Variants in PACS1 observed in about 807,000 individuals in gnomAD.
PACS1 encodes PACS-1.
Under a neutral mutation model 115.0 loss-of-function variants are expected in PACS1, and 24 were observed. The ratio of observed to expected loss-of-function variants is 0.21; its 90% CI spans 0.15 to 0.29. PACS1 has a LOEUF of 0.29. Ranked by LOEUF, PACS1 falls within the 10% of genes least tolerant of loss-of-function variation. PACS1 has a pLI of 1.00. For missense variants in PACS1, 838 were observed against 1,251.2 expected, an observed-to-expected ratio of 0.67 and a Z score of 4.98; for synonymous variants, 453 against 504.5, an observed-to-expected ratio of 0.90 and a Z score of 1.37.
At chr11:66,088,835 T>G (rs1295799443) in intron 1 of PACS1, among the ~76,000 whole-genome samples, 1 of 152,248 alleles carries the variant, frequency 6.6e-6, no homozygotes, top group East Asian at 1.9e-4. Flanking sequence ...TGGATTGATG[T>G]GCAGATAATT....
intron 1 of PACS1, among the ~76,000 whole-genome samples, chr11:66,075,783 G>A (rs1857384966): frequency 7.3e-6 from 1 of 136,980 alleles, no homozygotes; most frequent in South Asian, 2.3e-4. Context: ...TCTGTCCCCC[G>A]GCTGGAATGC....
chr11:66,136,798 G>A (rs1858855523), intron 1 of PACS1, among the ~76,000 whole-genome samples: 1 of 152,030 alleles, frequency 6.6e-6, no homozygotes, highest in Non-Finnish European at 1.5e-5. Context: ...TAACTCATGG[G>A]AATTTCCACC....
At chr11:66,118,151 A>G (rs977458439) in intron 1 of PACS1, among the ~76,000 whole-genome samples, 39 of 152,250 alleles carry the variant, frequency 2.6e-4, no homozygotes, top group African/African-American at 9.4e-4. Flanking sequence ...AGGTATAAGT[A>G]AAGAGAATAG....
At chr11:66,227,730 A>G (rs2134729783) in intron 11 of PACS1, 146 bp downstream of exon 11, 1 of 559,248 alleles carries the variant, frequency 1.8e-6, no homozygotes, top group African/African-American at 1.9e-5. Flanking sequence ...TTTCTCCTGA[A>G]ATCCTTACCC....
chr11:66,121,421 C>T (rs1209624391), intron 1 of PACS1, among the ~76,000 whole-genome samples: 6 of 152,118 alleles, frequency 3.9e-5, no homozygotes, highest in African/African-American at 9.7e-5. Flanking sequence ...GGAAGAGTTA[C>T]GTGTCTCTCA....
intron 1 of PACS1, among the ~76,000 whole-genome samples, chr11:66,146,389 T>C (rs867946513): frequency 6.6e-6 from 1 of 152,148 alleles, no homozygotes; most frequent in South Asian, 2.1e-4. Flanking sequence ...ATGCAAATTC[T>C]GGAGATGAAA....
At chr11:66,231,056 C>T in intron 13 of PACS1, 116 bp downstream of exon 13, 2 of 1,294,296 alleles carry the variant, frequency 1.5e-6, no homozygotes, top group Admixed American at 1.9e-5. Context: ...CTTGGAAATG[C>T]TCTGAACAAA....
Position 66,070,569 on chromosome 11 carries a change from C to G in PACS1, c.83C>G (p.Ser28Cys), listed in dbSNP as rs763294619. The G allele has an allele frequency of 2.2e-4, 330 of 1,478,700 alleles. 1 individual carries two copies. In the South Asian group the frequency reaches 3.3e-3, roughly 15 times the overall value. The allele number at this position is 1,478,700 out of a possible 1,614,324, so 91.6% of individuals were successfully genotyped here. A position where few individuals can be genotyped will look rare whatever the true frequency, so the allele number is the denominator to read the frequency against. ...SGQRGSGVAQ[S>C]PQQPPPQQQQ... The stretch of plus-strand genomic sequence containing the variant: ...CAGCGGGGATCCGGGGTCGCCCAGT[C>G]CCCTCAGCAGCCGCCGCCGCAGCAG... Residue 28 changes from serine to cysteine, a missense_variant, in exon 1 of 24, where the codon TCC becomes TGC. Around this residue, in one of 6 missense-constraint regions of PACS1, gnomAD observed 129 missense variants for 109.4 expected, o/e 1.18. Coordinates refer to ENST00000320580, the MANE Select transcript of PACS1 (RefSeq NM_018026.4). The surrounding 1 kb of genome is among the most constrained non-coding windows in gnomAD (Gnocchi z 5.9).
At chr11:66,203,961 A>T (rs1854875707) in intron 2 of PACS1, among the ~76,000 whole-genome samples, 1 of 152,190 alleles carries the variant, frequency 6.6e-6, no homozygotes, top group Admixed American at 6.5e-5. Flanking sequence ...AAAAGAAAAC[A>T]TTGGGGAAAC....
chr11:66,237,818 C>A (rs1048561741), intron 19 of PACS1, among the ~76,000 whole-genome samples: 1 of 152,220 alleles, frequency 6.6e-6, no homozygotes, highest in African/African-American at 2.4e-5. Flanking sequence ...ATCCAGGAAG[C>A]CCCAGAGTGG....
chr11:66,153,713 G>A (rs1332897475), intron 1 of PACS1, among the ~76,000 whole-genome samples: 2 of 152,032 alleles, frequency 1.3e-5, no homozygotes, highest in East Asian at 1.9e-4. Flanking sequence ...CCCGGGAGAC[G>A]GAGCTTGCAG....
intron 1 of PACS1, among the ~76,000 whole-genome samples, chr11:66,133,023 A>G (rs1392217386): frequency 6.6e-6 from 1 of 152,148 alleles, no homozygotes; most frequent in Non-Finnish European, 1.5e-5. Flanking sequence ...CAGAGGGCCG[A>G]CTGTAAATGG....
At chr11:66,119,869 G>A (rs748146142) in intron 1 of PACS1, among the ~76,000 whole-genome samples, 8 of 152,158 alleles carry the variant, frequency 5.3e-5, no homozygotes, top group Non-Finnish European at 1.0e-4. Context: ...TGGTAGGATT[G>A]TTTGGGGATT....
At chr11:66,174,100 T>C (rs1172390553) in intron 1 of PACS1, among the ~76,000 whole-genome samples, 1 of 150,194 alleles carries the variant, frequency 6.7e-6, no homozygotes, top group African/African-American at 2.4e-5. Context: ...AAAGAAGATA[T>C]GCCAAATAAA....
At chr11:66,219,613 G>A (rs1855294204) in intron 7 of PACS1, 133 bp from the exon 8 acceptor site, 1 of 768,458 alleles carries the variant, frequency 1.3e-6, no homozygotes, top group Admixed American at 1.9e-5. Context: ...AGTGCCAAGG[G>A]CAGAGACCAA....
At chr11:66,192,147 C>T (rs1450691957) in intron 1 of PACS1, among the ~76,000 whole-genome samples, 2 of 152,030 alleles carry the variant, frequency 1.3e-5, no homozygotes, top group Non-Finnish European at 2.9e-5. Context: ...TCTTCACATA[C>T]TCTTGTTAAT....
intron 2 of PACS1, among the ~76,000 whole-genome samples, chr11:66,200,259 A>G (rs503813): frequency 0.94 from 142,379 of 152,082 alleles, 67,337 homozygotes; most frequent in East Asian, 1. Context: ...TCTGAGGTAG[A>G]AGGATCACTT....
intron 1 of PACS1, among the ~76,000 whole-genome samples, chr11:66,147,672 GT>G (rs1394749802): frequency 6.6e-6 from 1 of 152,132 alleles, no homozygotes; most frequent in Admixed American, 6.6e-5. Context: ...GTTAAAACAT[GT>G]AGAATAGAGA....
chr11:66,219,506 G>T (rs908059444), intron 7 of PACS1: 6 of 652,896 alleles, frequency 9.2e-6, no homozygotes, highest in Non-Finnish European at 1.4e-5. Flanking sequence ...GGCACAGGGG[G>T]GTGGAGGACC....
Sources: gnomAD v4.1 joint callset for allele counts (sites outside exome capture counted in the v4.1 genomes callset) on GRCh38, gnomAD v4.1.1 for gene constraint, gnomAD v4.1.1 regional missense constraint, Gnocchi (gnomAD v3.1) non-coding constraint, MANE v1.5 for transcripts, NCBI Gene and HGNC (gene_info 2026-07-23, HGNC 2026-07-21) for gene names.